Variants in NWD1 observed in about 807,000 individuals in gnomAD.
The protein encoded by NWD1 is NACHT and WD repeat domain containing 1.
Under a neutral mutation model 135.1 loss-of-function variants are expected in NWD1, and 129 were observed. The ratio of observed to expected loss-of-function variants is 0.96; its 90% CI spans 0.83 to 1.11. NWD1 has a LOEUF of 1.11. NWD1 is among the 50% of genes least tolerant of loss of function. The pLI is 0.00. For synonymous variants in NWD1, 773 were observed against 786.0 expected (o/e 0.98, Z 0.28); for missense variants, 1,740 against 1,851.3 (o/e 0.94, Z 1.10).
intron 5 of NWD1, chr19:16,745,245 A>G (rs1003766749): frequency 2.7e-5 from 9 of 335,440 alleles, no homozygotes; most frequent in Non-Finnish European, 4.7e-5. Context: ...TATGGGGGAA[A>G]CTATCCCCCA....
At chr19:16,788,378 C>T (rs989543288) in intron 12 of NWD1, among the ~76,000 whole-genome samples, 2 of 150,168 alleles carry the variant, frequency 1.3e-5, no homozygotes, top group Non-Finnish European at 3.0e-5. Context: ...AGGCCAGCCT[C>T]GCCAACATAG....
At chr19:16,759,046 C>T (rs1238583261) in intron 6 of NWD1, among the ~76,000 whole-genome samples, 179 bp from the exon 7 acceptor site, 1 of 149,668 alleles carries the variant, frequency 6.7e-6, no homozygotes, top group African/African-American at 2.5e-5. Context: ...AAAAGGTCTT[C>T]CTTGGTGGGT....
At chr19:16,786,245 T>C (rs1970037195) in intron 12 of NWD1, among the ~76,000 whole-genome samples, 1 of 151,976 alleles carries the variant, frequency 6.6e-6, no homozygotes, top group South Asian at 2.1e-4. Context: ...TGGGCTCAAG[T>C]GACCCTCCCA....
intron 10 of NWD1, among the ~76,000 whole-genome samples, chr19:16,769,030 A>G (rs1176733872): frequency 6.6e-6 from 1 of 152,188 alleles, no homozygotes; most frequent in Non-Finnish European, 1.5e-5. Context: ...TACAGCACTC[A>G]GAAGAATCTT....
chr19:16,793,379 G>A (rs1255038262), intron 14 of NWD1, among the ~76,000 whole-genome samples: 2 of 151,322 alleles, frequency 1.3e-5, no homozygotes, highest in African/African-American at 2.4e-5. Context: ...GACTACAGGC[G>A]CATGCCCCCA....
intron 14 of NWD1, among the ~76,000 whole-genome samples, chr19:16,793,345 C>T (rs535210300): frequency 2.6e-5 from 4 of 151,950 alleles, no homozygotes; most frequent in Admixed American, 6.6e-5. Flanking sequence ...GACGTCCTCT[C>T]GCCTCAGCCT....
Position 16,791,418 on chromosome 19 carries a change from G to C in NWD1, c.3009G>C (p.Trp1003Cys), listed in dbSNP as rs1179487465. Residue 1003 changes from tryptophan (W) to cysteine (C), a missense_variant, in exon 14 of 19, where the codon TGG becomes TGC. Physicochemically the swap from Trp to Cys is radical, Grantham distance 215. Transcript: ENST00000524140. ...FHILGDASDP[W>C]MCMAVLASQA... ...TCCTGGGAGATGCCTCTGATCCTTG[G>C]ATGTGCATGGCCGTGCTGGCCTCCC... 2 of 1,614,122 alleles carry C rather than the reference G, an allele frequency of 1.2e-6. No individual in the cohort carries two copies. Among genetic ancestry groups the C allele is most frequent in the African/African-American group, 2.7e-5 (2 of 75,042 alleles).
At chr19:16,735,984 A>G (rs1017121235) in intron 3 of NWD1, among the ~76,000 whole-genome samples, 1 of 151,714 alleles carries the variant, frequency 6.6e-6, no homozygotes, top group Non-Finnish European at 1.5e-5. Flanking sequence ...AAAAAGATAA[A>G]TCAACATTGG....
chr19:16,779,521 C>T (rs1266940376), intron 12 of NWD1, 56 bp downstream of exon 12: 42 of 1,554,022 alleles, frequency 2.7e-5, no homozygotes, highest in Non-Finnish European at 3.6e-5. Context: ...AGTTGGTTCT[C>T]AGAGCCCCTT....
intron 3 of NWD1, among the ~76,000 whole-genome samples, chr19:16,732,403 G>A (rs1417814642): frequency 6.6e-6 from 1 of 151,752 alleles, no homozygotes; most frequent in South Asian, 2.1e-4. Context: ...TGCTGTTTTT[G>A]TCTTGCCTTC....
intron 3 of NWD1, among the ~76,000 whole-genome samples, chr19:16,734,459 C>T (rs1161857725): frequency 3.3e-5 from 5 of 150,778 alleles, no homozygotes; most frequent in Admixed American, 1.3e-4. Context: ...GGCGTGAACC[C>T]GGGAGGCGGA....
intron 17 of NWD1, among the ~76,000 whole-genome samples, chr19:16,806,581 C>T (rs758616242): frequency 2.6e-5 from 4 of 151,946 alleles, no homozygotes; most frequent in African/African-American, 9.7e-5. Flanking sequence ...CGTGGTGGCC[C>T]GAGCCTGTAG....
At chr19:16,729,346 C>T (rs896095644) in intron 2 of NWD1, among the ~76,000 whole-genome samples, 10 of 151,980 alleles carry the variant, frequency 6.6e-5, no homozygotes, top group South Asian at 4.1e-4. Context: ...TCCATAGATC[C>T]GGGAACCCAC....
chr19:16,814,540 G>A (rs1388478855), intron 18 of NWD1, among the ~76,000 whole-genome samples: 1 of 152,196 alleles, frequency 6.6e-6, no homozygotes, highest in African/African-American at 2.4e-5. Flanking sequence ...ATCAGGTGGA[G>A]CCTACTACAT....
chr19:16,742,675 G>A (rs1283384031), intron 4 of NWD1, among the ~76,000 whole-genome samples: 3 of 151,748 alleles, frequency 2.0e-5, no homozygotes, highest in Admixed American at 2.0e-4. Context: ...GAGATAAATT[G>A]TATATATATT....
intron 2 of NWD1, among the ~76,000 whole-genome samples, chr19:16,729,613 C>T (rs1333293649): frequency 1.3e-5 from 2 of 150,720 alleles, no homozygotes; most frequent in African/African-American, 4.9e-5. Flanking sequence ...TGCAGTGGCT[C>T]ACACCTGTAA....
chr19:16,813,190 G>A (rs769872543), intron 18 of NWD1, among the ~76,000 whole-genome samples: 1 of 152,082 alleles, frequency 6.6e-6, no homozygotes, highest in African/African-American at 2.4e-5. Flanking sequence ...TGTCTGAGTT[G>A]GTTGTGAGAT....
intron 15 of NWD1, among the ~76,000 whole-genome samples, chr19:16,795,415 CTTTT>C (rs869281364): frequency 0.022 from 3,020 of 136,316 alleles, 81 homozygotes; most frequent in African/African-American, 0.075. Context: ...TGCTAATTAC[CTTTT>C]TTTTTTTTTT....
At chr19:16,744,132 T>A (rs933526369) in intron 4 of NWD1, among the ~76,000 whole-genome samples, 5 of 152,122 alleles carry the variant, frequency 3.3e-5, no homozygotes, top group African/African-American at 1.2e-4. Context: ...CTCACGACAG[T>A]AATCCCAGCA....
Sources: allele counts gnomAD v4.1 joint callset (sites outside exome capture counted in the v4.1 genomes callset), GRCh38; gene constraint gnomAD v4.1.1; transcripts MANE v1.5; gene names NCBI Gene and HGNC (gene_info 2026-07-23, HGNC 2026-07-21).